ZNF600: variants seen among roughly 807,000 people sequenced by gnomAD.
ZNF600 encodes zinc finger protein KR-ZNF1.
A neutral mutation model predicts 7.3 loss-of-function variants in ZNF600; 4 were observed. The observed-to-expected ratio is 0.55, with a 90% confidence interval of 0.27 to 1.25. ZNF600 has a LOEUF of 1.25. Ranked by LOEUF, ZNF600 falls within the 50% of genes most tolerant of loss-of-function variation. The pLI, the probability that ZNF600 is intolerant of heterozygous loss-of-function variation, is 0.12. For missense variants in ZNF600, 911 were observed against 922.1 expected, an observed-to-expected ratio of 0.99 and a Z score of 0.16; for synonymous variants, 290 against 308.9, an observed-to-expected ratio of 0.94 and a Z score of 0.64.
Position 52,777,340 on chromosome 19 carries a change from G to A in ZNF600, c.63+1486C>T, listed in dbSNP as rs531541332. Among the ~76,000 whole-genome samples, 8 of 152,248 alleles carry A rather than the reference G, an allele frequency of 5.3e-5. No individual in the cohort carries two copies. The East Asian group carries it at 7.8e-4, about 15-fold the overall frequency. On this transcript the variant is annotated intron_variant, in intron 2 of 3. Transcript: ENST00000648973. ...GGCAGGGAGCTGAGATCCCACCACT[G>A]CAATCCAACCTGGGCAACGGAGCGA...
At chr19:52,798,144 GAAAA>G in the ZNF600 span, 1 of 157,318 alleles carries the variant, frequency 6.4e-6, no homozygotes, top group African/African-American at 2.4e-5. Flanking sequence ...ACAAAAAAAA[GAAAA>G]AAGAAAGAAA....
At chr19:52,803,892 G>A in the ZNF600 span, among the ~76,000 whole-genome samples, 1 of 152,198 alleles carries the variant, frequency 6.6e-6, no homozygotes, top group Non-Finnish European at 1.5e-5. Context: ...AGAAGGTGAA[G>A]GTTGCAGTGA....
chr19:52,810,425 T>G, the ZNF600 span: 1 of 1,601,908 alleles, frequency 6.2e-7, no homozygotes, highest in Non-Finnish European at 8.5e-7. Context: ...TTAGTGGCCA[T>G]CCCAAAGGGT....
At chr19:52,820,145 C>T in the ZNF600 span, among the ~76,000 whole-genome samples, 1 of 97,216 alleles carries the variant, frequency 1.0e-5, no homozygotes, top group East Asian at 2.7e-4. Flanking sequence ...GAGTCTCGCT[C>T]TGTCGTCCAG....
chr19:52,811,683 C>A, the ZNF600 span, among the ~76,000 whole-genome samples: 2 of 146,272 alleles, frequency 1.4e-5, no homozygotes, highest in South Asian at 2.2e-4. Context: ...AAGTGAGGAG[C>A]CCCTCCGTCC....
chr19:52,804,307 T>C, the ZNF600 span, among the ~76,000 whole-genome samples: 1 of 152,184 alleles, frequency 6.6e-6, no homozygotes, highest in Non-Finnish European at 1.5e-5. Flanking sequence ...CTTTTTTGTT[T>C]GTTTTTGAGA....
the ZNF600 span, among the ~76,000 whole-genome samples, chr19:52,825,744 G>T: frequency 1.3e-5 from 2 of 152,080 alleles, no homozygotes; most frequent in South Asian, 2.1e-4. Context: ...CCAGCACTTC[G>T]GGAGGCTGAG....
chr19:52,828,828 G>A, the ZNF600 span, among the ~76,000 whole-genome samples: 7 of 152,242 alleles, frequency 4.6e-5, no homozygotes, highest in South Asian at 6.2e-4. Flanking sequence ...GACTACTCAT[G>A]AATAAGACCA....
chr19:52,814,737 A>C, the ZNF600 span, among the ~76,000 whole-genome samples: 1 of 146,014 alleles, frequency 6.8e-6, no homozygotes, highest in Non-Finnish European at 1.5e-5. Flanking sequence ...ATACCAAAAA[A>C]TTATCTGGAC....
At chr19:52,830,869 A>G in the ZNF600 span, among the ~76,000 whole-genome samples, 6 of 142,018 alleles carry the variant, frequency 4.2e-5, 1 homozygote, top group East Asian at 1.3e-3. Context: ...TTGTGCATGC[A>G]CATCTGTGGG....
At chr19:52,810,874 CCT>C in the ZNF600 span, among the ~76,000 whole-genome samples, 1 of 7,902 alleles carries the variant, frequency 1.3e-4, no homozygotes, top group Non-Finnish European at 2.1e-4. Flanking sequence ...TCCCCCTCCC[CCT>C]CCCCCTCCCC....
the ZNF600 span, among the ~76,000 whole-genome samples, chr19:52,810,878 CCCCTCCCCCTCCCCCTCCCCCTCCCTCT>C: frequency 2.3e-3 from 43 of 18,552 alleles, 3 homozygotes; most frequent in South Asian, 6.2e-3. Context: ...CCTCCCCCTC[CCCCTCCCCCTCCCCCTCCCCCTCCCTCT>C]CCCTCTCCCT....
chr19:52,809,904 C>T, the ZNF600 span: 1 of 827,740 alleles, frequency 1.2e-6, no homozygotes, highest in South Asian at 1.4e-5. Flanking sequence ...GCGGCGCCAT[C>T]TTGTGCCCGG....
At chr19:52,807,004 C>T in the ZNF600 span, among the ~76,000 whole-genome samples, 2 of 152,144 alleles carry the variant, frequency 1.3e-5, no homozygotes, top group African/African-American at 4.8e-5. Context: ...TTTTCTTTTG[C>T]CACAGAATTC....
the ZNF600 span, among the ~76,000 whole-genome samples, chr19:52,821,932 T>G: frequency 1.3e-5 from 2 of 149,834 alleles, no homozygotes; most frequent in African/African-American, 2.4e-5. Context: ...AAAAAAATAA[T>G]AAAAAAAAAA....
chr19:52,768,918 T>TA (rs1262632129), intron 3 of ZNF600, among the ~76,000 whole-genome samples: 15 of 152,218 alleles, frequency 9.9e-5, no homozygotes, highest in African/African-American at 3.4e-4. Flanking sequence ...ATAATAATCC[T>TA]CGCTCTATAA....
exon 4 of ZNF600, chr19:52,765,516 T>A: frequency 6.2e-7 from 1 of 1,605,248 alleles, no homozygotes; most frequent in Non-Finnish European, 8.5e-7. Flanking sequence ...GTTAGATCTT[T>A]ATTCATTATA....
rs1431781267 is a variant in ZNF600 at position 52,766,912 on chromosome 19, C to T, written c.1051G>A (p.Ala351Thr). The T allele has an allele frequency of 2.5e-6, 4 of 1,613,938 alleles. No homozygotes were observed. The highest frequency in any genetic ancestry group is 3.3e-5 in the Admixed American group (2 of 59,982). ...GCAAGGTTTGATTGCTGATTAAAAGCTTTGTCACATTCATTACACTTGTAA... is the reference window on the plus strand; with the variant it reads ...GCAAGGTTTGATTGCTGATTAAAAGTTTTGTCACATTCATTACACTTGTAA... Residue 351 changes from alanine (A) to threonine (T), a missense_variant, in exon 4 of 4, where the codon GCT (alanine) becomes ACT (threonine). Transcript: ENST00000648973.
chr19:52,829,183 T>TTTTATTTTATTTTA, the ZNF600 span, among the ~76,000 whole-genome samples: 4 of 91,732 alleles, frequency 4.4e-5, no homozygotes, highest in East Asian at 2.2e-4. Context: ...TTTTTTTCTT[T>TTTTATTTTATTTTA]TTTTATTTTA....
Sources: allele counts gnomAD v4.1 joint callset (sites outside exome capture counted in the v4.1 genomes callset), GRCh38; gene constraint gnomAD v4.1.1; transcripts MANE v1.5; gene names NCBI Gene and HGNC (gene_info 2026-07-23, HGNC 2026-07-21).